Variants in KIAA1328 observed in about 807,000 individuals in gnomAD.
KIAA1328 encodes KIAA1328.
KIAA1328 carries 52 observed loss-of-function variants against 68.1 expected under a neutral mutation model. That is an observed-to-expected ratio of 0.76 (90% CI 0.61 to 0.96). The LOEUF (loss-of-function observed/expected upper bound fraction) is 0.96, where lower values mean the gene tolerates loss of function less well. Among genes scored for constraint, KIAA1328 ranks in the 40% least tolerant of loss-of-function variants. KIAA1328 has a pLI of 0.00. For missense variants in KIAA1328, 641 were observed against 677.6 expected, an observed-to-expected ratio of 0.95 and a Z score of 0.60; for synonymous variants, 232 against 239.4, an observed-to-expected ratio of 0.97 and a Z score of 0.28.
chr18:36,946,615 G>A (rs1396158603), intron 5 of KIAA1328: 1 of 152,198 alleles, frequency 6.6e-6, no homozygotes, highest in East Asian at 1.9e-4. Context: ...CCTTGGATAA[G>A]TTATTAACCA....
At chr18:37,080,548 G>T (rs1485715789) in intron 7 of KIAA1328, among the ~76,000 whole-genome samples, 1 of 152,090 alleles carries the variant, frequency 6.6e-6, no homozygotes, top group South Asian at 2.1e-4. Flanking sequence ...AGGCCGAGGC[G>T]GGTGGATCAC....
chr18:37,124,153 C>G (rs2058336778), intron 7 of KIAA1328, among the ~76,000 whole-genome samples: 1 of 152,020 alleles, frequency 6.6e-6, no homozygotes, highest in Admixed American at 6.6e-5. Context: ...ACTAAGGTTG[C>G]AAAATGCTAA....
chr18:36,845,392 A>C (rs1961318933), intron 4 of KIAA1328, among the ~76,000 whole-genome samples: 1 of 151,628 alleles, frequency 6.6e-6, no homozygotes, highest in South Asian at 2.1e-4. Flanking sequence ...TTTGATGAGG[A>C]GTTATTAAAT....
At chr18:37,116,163 T>C (rs2058099751) in intron 7 of KIAA1328, among the ~76,000 whole-genome samples, 1 of 151,486 alleles carries the variant, frequency 6.6e-6, no homozygotes, top group African/African-American at 2.4e-5. Flanking sequence ...AAAACTACTT[T>C]AAAGTTCATA....
At chr18:37,151,327 T>C (rs182016154) in intron 7 of KIAA1328, among the ~76,000 whole-genome samples, 2 of 152,270 alleles carry the variant, frequency 1.3e-5, no homozygotes, top group African/African-American at 4.8e-5. Context: ...GTCGGTATTG[T>C]TATAAATATC....
chr18:36,893,588 C>T (rs2048774439), intron 5 of KIAA1328, among the ~76,000 whole-genome samples: 1 of 151,716 alleles, frequency 6.6e-6, no homozygotes, highest in Non-Finnish European at 1.5e-5. Flanking sequence ...TCCCAAAGTG[C>T]TAAGATTACA....
At chr18:37,128,154 A>C (rs529134753) in intron 7 of KIAA1328, among the ~76,000 whole-genome samples, 1 of 152,348 alleles carries the variant, frequency 6.6e-6, no homozygotes, top group African/African-American at 2.4e-5. Flanking sequence ...TGGGCTATGC[A>C]AAGATTTTTT....
chr18:36,975,866 T>C (rs2052451880), intron 6 of KIAA1328, among the ~76,000 whole-genome samples: 1 of 152,232 alleles, frequency 6.6e-6, no homozygotes, highest in East Asian at 1.9e-4. Flanking sequence ...TTTTTCCTCC[T>C]CTATAGTTCC....
intron 7 of KIAA1328, among the ~76,000 whole-genome samples, chr18:37,091,230 A>C (rs891239109): frequency 2.0e-5 from 3 of 152,174 alleles, no homozygotes; most frequent in Admixed American, 2.0e-4. Context: ...TGTCAAATAG[A>C]GCTTCTTGGA....
chr18:36,911,054 C>T (rs2049426901), intron 5 of KIAA1328, among the ~76,000 whole-genome samples: 1 of 152,076 alleles, frequency 6.6e-6, no homozygotes, highest in African/African-American at 2.4e-5. Flanking sequence ...ACTGACGACC[C>T]ACAGATTACA....
At chr18:37,052,881 A>G (rs975756074) in intron 6 of KIAA1328, among the ~76,000 whole-genome samples, 15 of 152,222 alleles carry the variant, frequency 9.9e-5, no homozygotes, top group African/African-American at 3.6e-4. Context: ...ATGCTCATTA[A>G]TGGGAAGAAT....
chr18:37,212,760 G>A (rs887203136), intron 9 of KIAA1328, among the ~76,000 whole-genome samples: 14 of 151,784 alleles, frequency 9.2e-5, no homozygotes, highest in East Asian at 3.9e-4. Flanking sequence ...TCACTCTGTC[G>A]CCCAGGCTGG....
intron 9 of KIAA1328, among the ~76,000 whole-genome samples, chr18:37,219,574 C>T (rs929721345): frequency 2.6e-5 from 4 of 152,314 alleles, no homozygotes; most frequent in South Asian, 2.1e-4. Flanking sequence ...TCTCGCGGGT[C>T]GATCTCAGAC....
intron 9 of KIAA1328, among the ~76,000 whole-genome samples, chr18:37,188,577 C>T (rs1212410403): frequency 3.3e-5 from 5 of 152,184 alleles, no homozygotes; most frequent in African/African-American, 1.2e-4. Context: ...AGAGGGGCCT[C>T]CTCAGCCAGG....
intron 7 of KIAA1328, among the ~76,000 whole-genome samples, chr18:37,127,903 G>A (rs2058431300): frequency 6.6e-6 from 1 of 151,868 alleles, no homozygotes; most frequent in African/African-American, 2.4e-5. Context: ...TTCAGAAATA[G>A]GCCCACATAT....
intron 4 of KIAA1328, among the ~76,000 whole-genome samples, chr18:36,850,683 C>T (rs940904855): frequency 2.6e-5 from 4 of 152,126 alleles, no homozygotes; most frequent in Admixed American, 6.5e-5. Flanking sequence ...CAAGCACTGT[C>T]ATAGCTCAAT....
chr18:36,936,413 A>G (rs1209179159), intron 5 of KIAA1328, among the ~76,000 whole-genome samples: 1 of 152,110 alleles, frequency 6.6e-6, no homozygotes, highest in African/African-American at 2.4e-5. Flanking sequence ...GCTGAGGATG[A>G]TGGCTTCCAT....
intron 9 of KIAA1328, among the ~76,000 whole-genome samples, chr18:37,191,106 C>T (rs1268914589): frequency 6.6e-6 from 1 of 152,182 alleles, no homozygotes; most frequent in Admixed American, 6.5e-5. Context: ...TATGTGGCTA[C>T]ACTTGGTTTC....
rs529989955 is a variant in KIAA1328 at position 37,004,029 on chromosome 18, A to G, written c.576+44594A>G. On this transcript the variant is annotated intron_variant, in intron 6 of 9. Coordinates refer to ENST00000280020, the MANE Select transcript of KIAA1328 (RefSeq NM_020776.3). ...TGAATTCAGGTAATGTGATGCCTCC[A>G]GATTTGTTCTTTTTGCTTAGTCTTG... 1.3e-5 allele frequency among the ~76,000 whole-genome samples: 2 copies of G among 152,160 alleles called. 1 individual carries two copies. The highest frequency in any genetic ancestry group is 4.1e-4 in the South Asian group (2 of 4,830).
Sources: gnomAD v4.1 joint callset for allele counts (sites outside exome capture counted in the v4.1 genomes callset) on GRCh38, gnomAD v4.1.1 for gene constraint, MANE v1.5 for transcripts, NCBI Gene and HGNC (gene_info 2026-07-23, HGNC 2026-07-21) for gene names.